Variants in ANPEP observed in about 807,000 individuals in gnomAD.
ANPEP encodes alanyl aminopeptidase, membrane.
In ANPEP, 70 loss-of-function variants were observed where a neutral mutation model predicts 114.6. The observed-to-expected ratio is 0.61, with a 90% CI of 0.50 to 0.75. The LOEUF is 0.75. ANPEP is among the 30% of genes least tolerant of loss of function. The pLI is 0.00. For missense variants in ANPEP, 1,184 were observed against 1,259.5 expected (o/e 0.94, Z 0.91); for synonymous variants, 548 against 522.3 (o/e 1.05, Z -0.67).
At chr15:89,791,599 A>ATTTTT (rs10596905) in intron 18 of ANPEP, among the ~76,000 whole-genome samples, 6,592 of 135,046 alleles carry the variant, frequency 0.049, 171 homozygotes, top group Middle Eastern at 0.088. Context: ...CACCATGCCT[A>ATTTTT]TTTTTTTTTT....
At chr15:89,812,197 C>T (rs1412989921) in intron 1 of ANPEP, among the ~76,000 whole-genome samples, 1 of 152,244 alleles carries the variant, frequency 6.6e-6, no homozygotes, top group Non-Finnish European at 1.5e-5. Context: ...GCTGTGTTAT[C>T]CATGCTCCAT....
intron 10 of ANPEP, chr15:89,802,869 C>A (rs970023591): frequency 3.7e-6 from 1 of 271,970 alleles, no homozygotes; most frequent in Non-Finnish European, 7.3e-6. Flanking sequence ...GTGGCGCCAG[C>A]GGGGGGCACA....
At chr15:89,797,759 C>T in intron 14 of ANPEP, 37 bp from the exon 15 acceptor site, 7 of 1,612,274 alleles carry the variant, frequency 4.3e-6, no homozygotes, top group African/African-American at 4.0e-5. Context: ...AAAGCACCTC[C>T]ACCCAGCCCA....
intron 1 of ANPEP, among the ~76,000 whole-genome samples, chr15:89,813,915 G>A (rs914041700): frequency 6.6e-6 from 1 of 152,160 alleles, no homozygotes; most frequent in Non-Finnish European, 1.5e-5. Flanking sequence ...AGGGGCTGAG[G>A]TGGGGGAGGA....
intron 20 of ANPEP, 135 bp downstream of exon 20, chr15:89,790,325 G>T (rs928257676): frequency 1.2e-5 from 8 of 681,724 alleles, no homozygotes; most frequent in Admixed American, 2.9e-5. Context: ...TGGCTACTCG[G>T]CTTCCTCTGT....
chr15:89,803,639 G>T lies in ANPEP; in HGVS notation c.1437+8C>A, dbSNP rs376703343. 6.2e-7 allele frequency: 1 copy of T among 1,610,502 alleles called. No individual in the cohort carries two copies. The highest frequency in any genetic ancestry group is 1.3e-5 in the African/African-American group (1 of 74,878). On this transcript the variant is annotated splice_region_variant and intron_variant, in intron 8 of 20. Transcript: ENST00000300060. The surrounding 1 kb of genome is among the most constrained non-coding windows in gnomAD (Gnocchi z 4.2). ...CCTTCCCCGTGCCCCACGAGGAGCG[G>T]GCTGCACCTTGCTGTAGGAGATGGC...
intron 6 of ANPEP, 63 bp downstream of exon 6, chr15:89,804,190 C>A: frequency 6.2e-7 from 1 of 1,602,630 alleles, no homozygotes; most frequent in African/African-American, 1.3e-5. Flanking sequence ...AGAGCCTGGA[C>A]TTGCGCCGTC....
At chr15:89,805,748 G>A (rs72754570) in intron 2 of ANPEP, among the ~76,000 whole-genome samples, 14,869 of 152,116 alleles carry the variant, frequency 0.098, 852 homozygotes, top group African/African-American at 0.15. Context: ...TCCAAGGGAC[G>A]CTCTGTCCCT....
Position 89,803,324 on chromosome 15 carries a change from A to G in ANPEP, c.1504-20T>C, listed in dbSNP as rs1439605483. Reference sequence around the variant, plus strand: ...GTAGGACTGTGGAAAGACGGGGCACAGTGAGAGCACAGCTGGAGCCCCCCA... The same window carrying G: ...GTAGGACTGTGGAAAGACGGGGCACGGTGAGAGCACAGCTGGAGCCCCCCA... On this transcript the variant is annotated intron_variant, in intron 9 of 20. Coordinates refer to ENST00000300060, the MANE Select transcript of ANPEP (RefSeq NM_001150.3). This position sits in a 1 kb window ranked among gnomAD's most constrained non-coding sequence, Gnocchi z 4.2. 6.2e-7 allele frequency: 1 copy of G among 1,613,986 alleles called. No homozygotes were observed. The highest frequency in any genetic ancestry group is 1.1e-5 in the South Asian group (1 of 91,082).
rs374297472 is a variant in ANPEP, at chr15:89,804,322, G to T, written c.1110C>A (p.Asp370Glu). ...VTYRENSLLF[D>E]PLSSSSSNKE... is the part of the protein sequence containing the mutation. ...TGTTGCTGCTGGAGGAGGACAGGGG[G>T]TCGAACAGCAGGGAGTTCTCCCGGT... Residue 370 changes from aspartate (D) to glutamate (E), a missense_variant, in exon 6 of 21, where the codon GAC (aspartate) becomes GAA (glutamate). By Grantham distance (45) the Asp-to-Glu change is conservative (BLOSUM62 2). Transcript: ENST00000300060. The T allele has an allele frequency of 1.1e-5, 17 of 1,614,094 alleles. No homozygotes were observed. Among genetic ancestry groups the T allele is most frequent in the African/African-American group, 1.3e-5 (1 of 74,942 alleles).
At chr15:89,813,993 G>GGT (rs1555442941) in intron 1 of ANPEP, among the ~76,000 whole-genome samples, 6 of 137,748 alleles carry the variant, frequency 4.4e-5, no homozygotes, top group African/African-American at 1.3e-4. Context: ...CGCACTGCTG[G>GGT]GGGGGGGGGG....
In ANPEP at chr15:89,799,155, G is replaced by T; in HGVS notation, c.2009+105C>A. ...AGCACAGGAGCTCAGGGCACAGCAC[G>T]TGGCATATGGGAAGGGCAGCAGGAG... On this transcript the variant is annotated intron_variant, in intron 14 of 20. Transcript: ENST00000300060. This position sits in a 1 kb window ranked among gnomAD's most constrained non-coding sequence, Gnocchi z 4.2. The T allele has an allele frequency of 1.5e-6, 2 of 1,324,476 alleles. No individual in the cohort carries two copies. Among genetic ancestry groups the T allele is most frequent in the Non-Finnish European group, 2.2e-6 (2 of 927,768 alleles). The allele number at this position is 1,324,476 out of a possible 1,614,324, so 82.0% of individuals were successfully genotyped here. A position where few individuals can be genotyped will look rare whatever the true frequency, so the allele number is the denominator to read the frequency against.
Position 89,806,184 on chromosome 15 carries a change from C to A in ANPEP, c.400G>T (p.Gly134Trp). 6.2e-7 allele frequency: 1 copy of A among 1,614,108 alleles called. No individual in the cohort carries two copies. The highest frequency in any genetic ancestry group is 8.5e-7 in the Non-Finnish European group (1 of 1,180,006). ...ACACCACGCAGGACCACCCTGTGCC[C>A]CTGGCTGAGGGTGTAGTTGAGCTTC... ...SKKLNYTLSQGHRVVLRGVGG... is the reference protein window; with the variant it reads ...SKKLNYTLSQWHRVVLRGVGG... The change falls in exon 2 of 21, where the codon GGG becomes TGG. Residue 134 changes from glycine (G) to tryptophan (W), a missense_variant. Transcript: ENST00000300060. The surrounding 1 kb of genome is among the most constrained non-coding windows in gnomAD (Gnocchi z 5.7).
intron 1 of ANPEP, among the ~76,000 whole-genome samples, chr15:89,813,710 C>T (rs1403687866): frequency 2.0e-5 from 3 of 152,196 alleles, no homozygotes; most frequent in Non-Finnish European, 2.9e-5. Context: ...CTACCCCACA[C>T]GCCCACCTCC....
Position 89,803,693 on chromosome 15 carries a change from G to A in ANPEP, c.1391C>T (p.Thr464Met), listed in dbSNP as rs759825959. The change falls in exon 8 of 21, where the codon ACG becomes ATG. Residue 464 changes from threonine (T) to methionine (M), a missense_variant. Coordinates refer to ENST00000300060, the MANE Select transcript of ANPEP (RefSeq NM_001150.3). The surrounding 1 kb of genome is among the most constrained non-coding windows in gnomAD (Gnocchi z 4.2). ...AAACAGCTCACTGATCTGGGCCGGC[G>A]TGTTGATCTCCGAGGCGGGTGTGGA... ...PLSTPASEINTPAQISELFDA... is the reference protein window; with the variant it reads ...PLSTPASEINMPAQISELFDA... 12 of 1,613,344 alleles carry A rather than the reference G, an allele frequency of 7.4e-6. No homozygotes were observed. Among genetic ancestry groups the A allele is most frequent in the South Asian group, 2.2e-5 (2 of 91,022 alleles).
In ANPEP at chr15:89,806,311, CG is replaced by C. The variant is rs753521150; in HGVS notation, c.272del (p.Pro91ArgfsTer81). ...KPDSYRVTLR[P>X]YLTPNDRGLY... is the part of the protein sequence containing the mutation. ...GGCCCCTGTCATTGGGGGTGAGGTA[CG>C]GTCTCAGCGTCACCCGGTAGGAATC... On this transcript the variant is annotated frameshift_variant, in exon 2 of 21. Coordinates refer to ENST00000300060, the MANE Select transcript of ANPEP (RefSeq NM_001150.3). LOFTEE classifies it high-confidence loss of function. This position sits in a 1 kb window ranked among gnomAD's most constrained non-coding sequence, Gnocchi z 5.7. The C allele has an allele frequency of 2.3e-4, 371 of 1,614,014 alleles. No homozygotes were observed. Among genetic ancestry groups the C allele is most frequent in the Non-Finnish European group, 2.9e-4 (337 of 1,180,030 alleles).
intron 1 of ANPEP, among the ~76,000 whole-genome samples, chr15:89,808,376 G>GT (rs1316702034): frequency 2.0e-5 from 3 of 152,252 alleles, no homozygotes; most frequent in Non-Finnish European, 4.4e-5. Flanking sequence ...ACTCAGCGTG[G>GT]TTTTCCCTTT....
At chr15:89,790,658 A>G in intron 19 of ANPEP, 117 bp from the exon 20 acceptor site, 1 of 926,580 alleles carries the variant, frequency 1.1e-6, no homozygotes, top group Non-Finnish European at 1.7e-6. Context: ...ACGCCCTGGG[A>G]GACCCCACTA....
chr15:89,800,575 T>A (rs1894567410), intron 12 of ANPEP, among the ~76,000 whole-genome samples: 2 of 150,580 alleles, frequency 1.3e-5, no homozygotes, highest in South Asian at 4.2e-4. Flanking sequence ...TTTTTTTTTT[T>A]TTTGAGACAG....
Sources: allele counts gnomAD v4.1 joint callset (sites outside exome capture counted in the v4.1 genomes callset), GRCh38; gene constraint gnomAD v4.1.1; non-coding constraint Gnocchi (gnomAD v3.1); transcripts MANE v1.5; gene names NCBI Gene and HGNC (gene_info 2026-07-23, HGNC 2026-07-21).